The following HNF1B variants were observed in gnomAD, a reference collection of about 807,000 sequenced individuals.
The protein encoded by HNF1B is HNF1 homeobox B, also known as hepatocyte nuclear factor 1-beta.
Under a neutral mutation model 61.7 loss-of-function variants are expected in HNF1B, and 8 were observed. That is an observed-to-expected ratio of 0.13 (90% confidence interval 0.08 to 0.23). The LOEUF (loss-of-function observed/expected upper bound fraction) is 0.23, where lower values mean the gene tolerates loss of function less well. Ranked by LOEUF, HNF1B falls within the 10% of genes least tolerant of loss-of-function variation. The probability of loss-of-function intolerance (pLI) is 1.00; values close to 1 mark genes in which losing one functional copy is unlikely to be tolerated. For missense variants in HNF1B, 562 were observed against 714.5 expected (o/e 0.79, Z 2.43); for synonymous variants, 314 against 287.7 (o/e 1.09, Z -0.93).
intron 1 of HNF1B, among the ~76,000 whole-genome samples, chr17:37,743,056 TTA>T (rs1216140109): frequency 3.9e-5 from 6 of 152,036 alleles, no homozygotes; most frequent in South Asian, 2.1e-4. Flanking sequence ...GTGCTGCAGT[TTA>T]TGTTACGTCT....
At chr17:37,687,463 C>T in intron 8 of HNF1B, 71 bp from the exon 9 acceptor site, 2 of 1,208,646 alleles carry the variant, frequency 1.7e-6, no homozygotes, top group Non-Finnish European at 2.5e-6. Context: ...AGTTTGGCTT[C>T]TCTAAGGGAG....
intron 1 of HNF1B, among the ~76,000 whole-genome samples, chr17:37,739,987 T>C (rs2033947851): frequency 6.6e-6 from 1 of 151,916 alleles, no homozygotes; most frequent in African/African-American, 2.4e-5. Flanking sequence ...TTTTTTTTGA[T>C]GTGGAGTTTT....
chr17:37,728,292 A>G (rs1018675075), intron 4 of HNF1B, among the ~76,000 whole-genome samples: 10 of 148,096 alleles, frequency 6.8e-5, no homozygotes, highest in Admixed American at 6.7e-4. Flanking sequence ...GTGAGCCACC[A>G]CACCTAGCCC....
intron 4 of HNF1B, among the ~76,000 whole-genome samples, chr17:37,722,581 A>G (rs545549089): frequency 2.0e-5 from 3 of 152,318 alleles, no homozygotes; most frequent in East Asian, 3.9e-4. Context: ...TCTACATGCT[A>G]AAGACCATCT....
At chr17:37,700,518 T>C (rs1242927804) in intron 7 of HNF1B, among the ~76,000 whole-genome samples, 1 of 152,242 alleles carries the variant, frequency 6.6e-6, no homozygotes, top group Non-Finnish European at 1.5e-5. Context: ...CACGGGACTC[T>C]AGAAGATTCT....
At chr17:37,728,142 C>G (rs2033565066) in intron 4 of HNF1B, among the ~76,000 whole-genome samples, 1 of 152,080 alleles carries the variant, frequency 6.6e-6, no homozygotes, top group African/African-American at 2.4e-5. Flanking sequence ...GCTGGGATTA[C>G]AGGCACCTGC....
At chr17:37,704,073 CA>C (rs1237588194) in intron 6 of HNF1B, among the ~76,000 whole-genome samples, 1 of 152,184 alleles carries the variant, frequency 6.6e-6, no homozygotes, top group African/African-American at 2.4e-5. Context: ...CCAAGGGTCA[CA>C]AGGATGGTTT....
In HNF1B at chr17:37,710,554, G is replaced by A. The variant is rs2147473531; in HGVS notation, c.1155C>T (p.Ser385=). Residue 385 remains serine (S), a synonymous_variant, in exon 5 of 9, where the codon TCC becomes TCT. Coordinates refer to ENST00000617811, the MANE Select transcript of HNF1B (RefSeq NM_000458.4). Reference sequence around the variant, plus strand: ...TGTGGCCTGGGTCCAGGCTGGCTGGGGAGACTTGCTGTAAAACCGACTGGC... The same window carrying A: ...TGTGGCCTGGGTCCAGGCTGGCTGGAGAGACTTGCTGTAAAACCGACTGGC... ...VTSQSVLQQV[S]PASLDPGHNL... is the part of the protein sequence containing the mutation. The A allele has an allele frequency of 6.2e-7, 1 of 1,614,186 alleles. No homozygotes were observed.
At position 37,733,550 on chromosome 17, in the gene HNF1B, GTGT is replaced by G. The variant is rs2147552454; in HGVS notation, c.809+4_809+6del. 2 of 1,614,176 alleles carry G rather than the reference GTGT, an allele frequency of 1.2e-6. No individual in the cohort carries two copies. The highest frequency in any genetic ancestry group is 2.2e-5 in the East Asian group (1 of 44,878). ...CACCTGCCCAGGTGAGCTTCTGGTG[GTGT>G]TACCTGTTGCATTCCTCCACTAAGG... On this transcript the variant is annotated splice_donor_5th_base_variant and intron_variant, in intron 3 of 8. Coordinates refer to ENST00000617811, the MANE Select transcript of HNF1B (RefSeq NM_000458.4).
rs138354029 is a variant in HNF1B, at chr17:37,688,558, C to T, written c.1654-1166G>A. ...GCTAAAAGAGAGTCAGTGAATTGTCCATGGTTTAAGAACTAGGAGAGTGTG... is the reference window on the plus strand; with the variant it reads ...GCTAAAAGAGAGTCAGTGAATTGTCTATGGTTTAAGAACTAGGAGAGTGTG... On this transcript the variant is annotated intron_variant, in intron 8 of 8. Coordinates refer to ENST00000617811, the MANE Select transcript of HNF1B (RefSeq NM_000458.4). Among the ~76,000 whole-genome samples, 287 of 152,192 alleles carry T rather than the reference C, an allele frequency of 1.9e-3. 1 individual carries two copies. The highest frequency in any genetic ancestry group is 6.5e-3 in the African/African-American group (269 of 41,510).
At chr17:37,735,445 C>T (rs1487399711) in intron 2 of HNF1B, among the ~76,000 whole-genome samples, 1 of 152,196 alleles carries the variant, frequency 6.6e-6, no homozygotes, top group Non-Finnish European at 1.5e-5. Context: ...CTTTGTTTAA[C>T]TGTGGACTGA....
At chr17:37,743,277 C>T (rs898097826) in intron 1 of HNF1B, among the ~76,000 whole-genome samples, 4 of 152,224 alleles carry the variant, frequency 2.6e-5, no homozygotes, top group Admixed American at 2.0e-4. Flanking sequence ...AGGGGCCACT[C>T]TCTCGACCCC....
At chr17:37,735,613 T>C (rs2033810754) in intron 2 of HNF1B, among the ~76,000 whole-genome samples, 1 of 152,202 alleles carries the variant, frequency 6.6e-6, no homozygotes. Context: ...TGGGATCATG[T>C]GGGGCCCCAG....
chr17:37,740,782 A>C (rs2033969774), intron 1 of HNF1B, among the ~76,000 whole-genome samples: 1 of 152,234 alleles, frequency 6.6e-6, no homozygotes, highest in Admixed American at 6.5e-5. Context: ...ACTGGATAAG[A>C]ACATGGTTAT....
At chr17:37,735,085 C>T (rs145275172) in intron 2 of HNF1B, among the ~76,000 whole-genome samples, 76 of 152,194 alleles carry the variant, frequency 5.0e-4, no homozygotes, top group East Asian at 4.4e-3. Context: ...CCACCGTGCC[C>T]GACCTTGATG....
intron 5 of HNF1B, among the ~76,000 whole-genome samples, chr17:37,710,169 G>A (rs2032882636): frequency 6.7e-6 from 1 of 149,412 alleles, no homozygotes; most frequent in African/African-American, 2.4e-5. Flanking sequence ...GCCTTGGGGG[G>A]AGGGATGAAT....
Position 37,686,967 on chromosome 17 carries a change from A to G in HNF1B, c.*405T>C. ...GGGGAGGGAGTCTGTGGATATTTAC[A>G]GTGTGTTTGGCTCAGTTCAATAGCA... On this transcript the variant is annotated 3_prime_UTR_variant, in exon 9 of 9. Transcript: ENST00000617811. 1 of 403,054 alleles carries G rather than the reference A, an allele frequency of 2.5e-6. No individual in the cohort carries two copies. The highest frequency in any genetic ancestry group is 4.6e-6 in the Non-Finnish European group (1 of 215,286). 25.0% of individuals were successfully genotyped at this position (403,054 alleles called of 1,614,324 possible). A position where few individuals can be genotyped will look rare whatever the true frequency, so the allele number is the denominator to read the frequency against.
In HNF1B at chr17:37,705,017, G is replaced by A. The variant is rs201113814; in HGVS notation, c.1239C>T (p.Val413=). 7.3e-5 allele frequency: 118 copies of A among 1,614,110 alleles called. No individual in the cohort carries two copies. The highest frequency in any genetic ancestry group is 7.8e-5 in the Non-Finnish European group (92 of 1,179,970). ...GGCTGTGGATATTCGTCAAGGTGCTGACTGGGGGCAAACCTCCTCCTGAGA... is the reference window on the plus strand; with the variant it reads ...GGCTGTGGATATTCGTCAAGGTGCTAACTGGGGGCAAACCTCCTCCTGAGA... ...ISVSGGGLPP[V]STLTNIHSLS... Residue 413 remains valine (V), a synonymous_variant, in exon 6 of 9, where the codon GTC becomes GTT. Transcript: ENST00000617811.
chr17:37,713,484 T>C (rs3110643), intron 4 of HNF1B, among the ~76,000 whole-genome samples: 21,380 of 152,280 alleles, frequency 0.14, 1,671 homozygotes, highest in Non-Finnish European at 0.18. Flanking sequence ...GTGGTTTTTA[T>C]ACTTTGTTTT....
Sources: allele counts gnomAD v4.1 joint callset (sites outside exome capture counted in the v4.1 genomes callset), GRCh38; gene constraint gnomAD v4.1.1; transcripts MANE v1.5; gene names NCBI Gene and HGNC (gene_info 2026-07-23, HGNC 2026-07-21).